The following USP24 variants were observed in gnomAD, a reference collection of about 807,000 sequenced individuals.
USP24 encodes ubiquitin carboxyl-terminal hydrolase 24.
A neutral mutation model predicts 361.6 loss-of-function variants in USP24; 97 were observed. The observed-to-expected ratio is 0.27, with a 90% CI of 0.23 to 0.32. The LOEUF is 0.32. USP24 is among the 10% of genes least tolerant of loss of function. USP24 has a pLI of 1.00. For synonymous variants in USP24, 1,098 were observed against 1,124.6 expected, an observed-to-expected ratio of 0.98 and a Z score of 0.47; for missense variants, 2,353 against 3,165.6, an observed-to-expected ratio of 0.74 and a Z score of 6.16.
chr1:55,116,965 G>A (rs904035909), intron 38 of USP24, among the ~76,000 whole-genome samples: 2 of 152,102 alleles, frequency 1.3e-5, no homozygotes, highest in African/African-American at 2.4e-5. Context: ...TCAAACCAAA[G>A]GAGTGCATTT....
intron 26 of USP24, 95 bp downstream of exon 26, chr1:55,138,513 T>C: frequency 1.2e-6 from 1 of 856,890 alleles, no homozygotes; most frequent in East Asian, 2.7e-5. Flanking sequence ...AAACTACCTT[T>C]AGAATGATTA....
chr1:55,127,450 C>T (rs1646466055), intron 32 of USP24, among the ~76,000 whole-genome samples: 1 of 152,214 alleles, frequency 6.6e-6, no homozygotes, highest in African/African-American at 2.4e-5. Flanking sequence ...GCCACATTTT[C>T]TTAATCCAGT....
chr1:55,195,277 G>C (rs900430702), intron 1 of USP24, among the ~76,000 whole-genome samples: 3 of 152,168 alleles, frequency 2.0e-5, no homozygotes, highest in Admixed American at 6.5e-5. Flanking sequence ...ATGTATAGCT[G>C]TAGGCTGCTC....
chr1:55,083,622 A>C (rs1487244764), intron 57 of USP24, 150 bp downstream of exon 57: 1 of 708,906 alleles, frequency 1.4e-6, no homozygotes, highest in East Asian at 2.7e-5. Context: ...CCACCTCATC[A>C]GAATTCTTAC....
rs1570388435 is a variant in USP24, at chr1:55,095,252, T to C, written c.6203+3A>G. On this transcript the variant is annotated splice_donor_region_variant and intron_variant, in intron 51 of 67. Transcript: ENST00000294383. ...CAGCAAATTACATGGAAGAGACACT[T>C]ACAGAGAGAGATCCTCAGCTTCCTG... 6.2e-7 allele frequency: 1 copy of C among 1,613,552 alleles called. No individual in the cohort carries two copies. Among genetic ancestry groups the C allele is most frequent in the Non-Finnish European group, 8.5e-7 (1 of 1,179,700 alleles).
intron 12 of USP24, among the ~76,000 whole-genome samples, chr1:55,155,487 T>G (rs941608433): frequency 6.6e-6 from 1 of 152,166 alleles, no homozygotes; most frequent in African/African-American, 2.4e-5. Flanking sequence ...TCTCTAATCT[T>G]CAACCTAAAT....
intron 18 of USP24, 52 bp downstream of exon 18, chr1:55,147,597 A>C (rs966121562): frequency 2.0e-6 from 3 of 1,508,464 alleles, no homozygotes; most frequent in Admixed American, 2.5e-5. Flanking sequence ...ATAAGTATAA[A>C]AAGGTCAAAT....
intron 32 of USP24, among the ~76,000 whole-genome samples, chr1:55,128,655 C>A (rs1570481124): frequency 6.6e-6 from 1 of 151,776 alleles, no homozygotes; most frequent in Non-Finnish European, 1.5e-5. Context: ...AATGTAACCA[C>A]TACTTTCTCA....
chr1:55,082,950 A>T (rs1379567724), intron 58 of USP24, among the ~76,000 whole-genome samples: 1 of 152,158 alleles, frequency 6.6e-6, no homozygotes, highest in Non-Finnish European at 1.5e-5. Flanking sequence ...ACCACCACCA[A>T]GACAGCCTTG....
chr1:55,086,117 A>G, intron 55 of USP24, 79 bp from the exon 56 acceptor site: 1 of 1,361,628 alleles, frequency 7.3e-7, no homozygotes. Context: ...GGTCCCATCT[A>G]ATAGCCAAGA....
At chr1:55,117,057 A>T (rs1646136329) in intron 38 of USP24, among the ~76,000 whole-genome samples, 1 of 152,228 alleles carries the variant, frequency 6.6e-6, no homozygotes, top group African/African-American at 2.4e-5. Flanking sequence ...ATGTAATCTC[A>T]TATTAAGGGA....
rs766902499 is a variant in USP24, at chr1:55,142,753, T to A, written c.2623A>T (p.Thr875Ser). The change falls in exon 23 of 68, where the codon ACA (threonine) becomes TCA (serine). Residue 875 changes from threonine (T) to serine (S), a missense_variant. Coordinates refer to ENST00000294383, the MANE Select transcript of USP24 (RefSeq NM_015306.3). ...AATTTGCTACTCACTTCTAATCTTG[T>A]GTAGCAATCAGCAATGAATTTCTTA... is the stretch of plus-strand genomic sequence containing the variant. ...LHKKFIADCY[T>S]RLEAASSALG... 12 of 1,549,084 alleles carry A rather than the reference T, an allele frequency of 7.7e-6. No homozygotes were observed. The South Asian group carries it at 1.1e-4, about 14-fold the overall frequency.
intron 55 of USP24, chr1:55,086,266 T>C: frequency 1.8e-6 from 1 of 568,222 alleles, no homozygotes; most frequent in East Asian, 2.9e-5. Context: ...ACTAAGACTC[T>C]ATGTGGCAAC....
At chr1:55,072,089 T>C (rs115492519) in intron 66 of USP24, among the ~76,000 whole-genome samples, 165 bp from the exon 67 acceptor site, 3 of 152,134 alleles carry the variant, frequency 2.0e-5, no homozygotes, top group Non-Finnish European at 4.4e-5. Context: ...TCCCTTTTTG[T>C]GACCAGACTG....
chr1:55,115,368 C>T (rs111547958), intron 38 of USP24, among the ~76,000 whole-genome samples: 10 of 150,120 alleles, frequency 6.7e-5, no homozygotes, highest in South Asian at 4.2e-4. Flanking sequence ...TAGTGGCGGG[C>T]GCCTGTAGTC....
intron 36 of USP24, among the ~76,000 whole-genome samples, chr1:55,123,205 G>A (rs1305204505): frequency 2.0e-5 from 3 of 152,190 alleles, no homozygotes; most frequent in Admixed American, 6.5e-5. Flanking sequence ...CAGCAAGCTC[G>A]TGGTGTGCAG....
intron 44 of USP24, among the ~76,000 whole-genome samples, chr1:55,100,084 G>A (rs1202277997): frequency 1.3e-5 from 2 of 152,184 alleles, no homozygotes; most frequent in Non-Finnish European, 2.9e-5. Flanking sequence ...TCAAAAGTGG[G>A]TACTGGGTAA....
chr1:55,192,825 C>T (rs1644324585), intron 1 of USP24, among the ~76,000 whole-genome samples: 1 of 152,192 alleles, frequency 6.6e-6, no homozygotes, highest in Non-Finnish European at 1.5e-5. Context: ...TACATTGTGT[C>T]TGAAGTCTGC....
intron 32 of USP24, among the ~76,000 whole-genome samples, chr1:55,128,712 C>CTTTTTTTTTTTTTTT (rs1557604215): frequency 7.1e-6 from 1 of 141,522 alleles, no homozygotes; most frequent in Non-Finnish European, 1.6e-5. Context: ...TGCTTTAATA[C>CTTTTTTTTTTTTTTT]CTTTTTTTTT....
Sources: gnomAD v4.1 joint callset for allele counts (sites outside exome capture counted in the v4.1 genomes callset) on GRCh38, gnomAD v4.1.1 for gene constraint, MANE v1.5 for transcripts, NCBI Gene and HGNC (gene_info 2026-07-23, HGNC 2026-07-21) for gene names.